Variants in CRMP1 observed in about 807,000 individuals in gnomAD.
CRMP1 encodes dihydropyrimidinase-related protein 1.
CRMP1 carries 19 observed loss-of-function variants against 68.3 expected under a neutral mutation model. That is an observed-to-expected ratio of 0.28 (90% CI 0.19 to 0.41). The LOEUF is 0.41. CRMP1 is among the 10% of genes least tolerant of loss of function. The pLI is 1.00. For missense variants in CRMP1, 791 were observed against 967.4 expected (o/e 0.82, Z 2.42); for synonymous variants, 439 against 399.6 (o/e 1.10, Z -1.18).
In CRMP1 at chr4:5,889,187, T is replaced by C. The variant is rs1217248532; in HGVS notation, c.381+3402A>G. On this transcript the variant is annotated intron_variant, in intron 1 of 13. Coordinates refer to ENST00000324989, the MANE Select transcript of CRMP1 (RefSeq NM_001014809.3). This position sits in a 1 kb window ranked among gnomAD's most constrained non-coding sequence, Gnocchi z 4.5. ...GGCCTCTAAGGTGGAGCCCCCTAAC[T>C]GGCAGAGGGAACAGCAGGGACAGAA... Among the ~76,000 whole-genome samples, 1 of 152,120 alleles carries C rather than the reference T, an allele frequency of 6.6e-6. No individual in the cohort carries two copies. Among genetic ancestry groups the C allele is most frequent in the East Asian group, 1.9e-4 (1 of 5,176 alleles).
rs1199592181 is a variant in CRMP1 at position 5,888,625 on chromosome 4, GC to G, written c.381+3963del. 4 of 907,840 alleles carry G rather than the reference GC, an allele frequency of 4.4e-6. No individual in the cohort carries two copies. The highest frequency in any genetic ancestry group is 5.4e-4 in the Middle Eastern group (1 of 1,850). The allele number at this position is 907,840 out of a possible 1,614,324, so 56.2% of individuals were successfully genotyped here. On this transcript the variant is annotated intron_variant, in intron 1 of 13. Transcript: ENST00000324989. The surrounding 1 kb of genome is among the most constrained non-coding windows in gnomAD (Gnocchi z 6.4). ...CGCTTCCCTTCCGATCTCCCACCCC[GC>G]CCCCCGCCCCCCACCCGCCCAGCCC... is the stretch of plus-strand genomic sequence containing the variant.
rs1278640997 is a variant in CRMP1, at chr4:5,825,220, TAAG to T, written c.1969+271_1969+273del. On this transcript the variant is annotated intron_variant, in intron 13 of 13. Transcript: ENST00000324989. This position sits in a 1 kb window ranked among gnomAD's most constrained non-coding sequence, Gnocchi z 4.4. Reference sequence around the variant, plus strand: ...GTGTGAAAGTGTCCCCAAATGTGTGTAAGGATGAGCACTGGGACAATTTTGGTA... The same window carrying T: ...GTGTGAAAGTGTCCCCAAATGTGTGTGATGAGCACTGGGACAATTTTGGTA... 5.1e-6 allele frequency: 5 copies of T among 985,198 alleles called. No individual in the cohort carries two copies. In the African/African-American group the frequency reaches 8.7e-5, roughly 17 times the overall value. 61.0% of individuals were successfully genotyped at this position (985,198 alleles called of 1,614,324 possible). A position where few individuals can be genotyped will look rare whatever the true frequency, so the allele number is the denominator to read the frequency against.
chr4:5,836,718 C>G, intron 10 of CRMP1, 47 bp downstream of exon 10: 2 of 1,613,656 alleles, frequency 1.2e-6, no homozygotes, highest in South Asian at 2.2e-5. Context: ...TTTCACAGGG[C>G]AGGTAGAGTG....
rs2070420285 is a variant in CRMP1, at chr4:5,889,485, G to C, written c.381+3104C>G. 9 of 1,383,044 alleles carry C rather than the reference G, an allele frequency of 6.5e-6. No homozygotes were observed. The highest frequency in any genetic ancestry group is 7.9e-6 in the Non-Finnish European group (8 of 1,013,840). The allele number at this position is 1,383,044 out of a possible 1,614,324, so 85.7% of individuals were successfully genotyped here. ...TGTTGCTCCAGAGGGAGGTGGGCAGGAAGCCAGGTCACAGCTTGACAAGGT... is the reference window on the plus strand; with the variant it reads ...TGTTGCTCCAGAGGGAGGTGGGCAGCAAGCCAGGTCACAGCTTGACAAGGT... On this transcript the variant is annotated intron_variant, in intron 1 of 13. Transcript: ENST00000324989. The surrounding 1 kb of genome is among the most constrained non-coding windows in gnomAD (Gnocchi z 4.5).
intron 9 of CRMP1, among the ~76,000 whole-genome samples, chr4:5,837,605 G>T (rs1457953975): frequency 2.3e-5 from 3 of 129,868 alleles, no homozygotes; most frequent in Non-Finnish European, 4.9e-5. Context: ...TCCAGCCTGG[G>T]CGACAAGAGC....
intron 11 of CRMP1, among the ~76,000 whole-genome samples, chr4:5,833,772 C>A (rs1224176497): frequency 6.6e-6 from 1 of 152,082 alleles, no homozygotes; most frequent in Non-Finnish European, 1.5e-5. Flanking sequence ...AGGCTGGGTG[C>A]GGTGGCTCAC....
Position 5,825,464 on chromosome 4 carries a change from T to C in CRMP1, c.1969+30A>G, listed in dbSNP as rs765696873. On this transcript the variant is annotated intron_variant, in intron 13 of 13. Transcript: ENST00000324989. This position sits in a 1 kb window ranked among gnomAD's most constrained non-coding sequence, Gnocchi z 4.4. ...GACTCGGCCTGAACTGCTGCAATTG[T>C]GGGGAGCCTGGGCCACCACTCTTTC... The C allele has an allele frequency of 1.5e-5, 23 of 1,539,964 alleles. No homozygotes were observed. The highest frequency in any genetic ancestry group is 1.9e-5 in the Non-Finnish European group (22 of 1,151,456).
intron 12 of CRMP1, chr4:5,827,974 A>AG: frequency 1.1e-6 from 1 of 927,256 alleles, no homozygotes; most frequent in Non-Finnish European, 1.3e-6. Context: ...AAGGAAAATA[A>AG]GGAACGACAG....
chr4:5,830,771 G>C (rs1720316435), intron 11 of CRMP1, among the ~76,000 whole-genome samples: 1 of 152,056 alleles, frequency 6.6e-6, no homozygotes. Context: ...CCTTTTTTCA[G>C]AACTATTTCA....
intron 6 of CRMP1, among the ~76,000 whole-genome samples, chr4:5,848,853 G>A (rs938978460): frequency 7.9e-5 from 12 of 151,990 alleles, no homozygotes; most frequent in African/African-American, 1.2e-4. Flanking sequence ...CACTAATCCC[G>A]TCATAAGGCC....
chr4:5,868,617 C>T (rs1714218058), intron 1 of CRMP1, among the ~76,000 whole-genome samples: 1 of 151,974 alleles, frequency 6.6e-6, no homozygotes, highest in Admixed American at 6.6e-5. Context: ...CATGACTATA[C>T]TTTTAAAATA....
At chr4:5,822,978 C>T (rs960019033) in intron 13 of CRMP1, among the ~76,000 whole-genome samples, 9 of 152,248 alleles carry the variant, frequency 5.9e-5, no homozygotes, top group Non-Finnish European at 2.9e-5. Flanking sequence ...GACCTACCCA[C>T]TGTACCCTTT....
Position 5,870,711 on chromosome 4 carries a change from AG to A in CRMP1, c.382-3956del, listed in dbSNP as rs1365341991. ...AGGGTCTCTGGAGGAAGATGTTTCAAGGTAAGTTGCTCCTAGGCCCCACAAC... is the reference window on the plus strand; with the variant it reads ...AGGGTCTCTGGAGGAAGATGTTTCAAGTAAGTTGCTCCTAGGCCCCACAAC... On this transcript the variant is annotated intron_variant, in intron 1 of 13. Coordinates refer to ENST00000324989, the MANE Select transcript of CRMP1 (RefSeq NM_001014809.3). This position sits in a 1 kb window ranked among gnomAD's most constrained non-coding sequence, Gnocchi z 6.0. 5.9e-5 allele frequency among the ~76,000 whole-genome samples: 9 copies of A among 152,328 alleles called. No homozygotes were observed. In the South Asian group the frequency reaches 1.9e-3, roughly 32 times the overall value.
chr4:5,887,927 C>T (rs993566098), intron 1 of CRMP1: 8 of 616,282 alleles, frequency 1.3e-5, no homozygotes, highest in Non-Finnish European at 1.8e-5. Flanking sequence ...TGTTCGGCTC[C>T]GCATCCTCCC....
intron 6 of CRMP1, among the ~76,000 whole-genome samples, chr4:5,844,348 G>A (rs1404113522): frequency 1.3e-5 from 2 of 150,946 alleles, no homozygotes; most frequent in African/African-American, 4.9e-5. Context: ...GAGGAAGTAA[G>A]GAGGGGGAGG....
intron 11 of CRMP1, among the ~76,000 whole-genome samples, chr4:5,833,277 C>G (rs1720506970): frequency 7.6e-6 from 1 of 131,460 alleles, no homozygotes; most frequent in African/African-American, 3.1e-5. Flanking sequence ...CGCCATTCTC[C>G]TGCCTCAGCC....
At chr4:5,831,827 A>C (rs900502755) in intron 11 of CRMP1, among the ~76,000 whole-genome samples, 10 of 152,218 alleles carry the variant, frequency 6.6e-5, no homozygotes, top group Non-Finnish European at 1.3e-4. Flanking sequence ...AAATTTAAAC[A>C]ACACAAAACA....
In CRMP1 at chr4:5,861,446, C is replaced by G. The variant is rs1345080618; in HGVS notation, c.471-236G>C. On this transcript the variant is annotated intron_variant, in intron 2 of 13. Coordinates refer to ENST00000324989, the MANE Select transcript of CRMP1 (RefSeq NM_001014809.3). This position sits in a 1 kb window ranked among gnomAD's most constrained non-coding sequence, Gnocchi z 6.0. ...AGTATAGCAGAGATGATCGGGGGCA[C>G]GAGGAGGGGCCCTTTCATCCAGTCT... is the stretch of plus-strand genomic sequence containing the variant. Among the ~76,000 whole-genome samples, 1 of 152,056 alleles carries G rather than the reference C, an allele frequency of 6.6e-6. No homozygotes were observed. The highest frequency in any genetic ancestry group is 1.5e-5 in the Non-Finnish European group (1 of 68,018).
In CRMP1 at chr4:5,842,994, A is replaced by G. The variant is rs1011754917; in HGVS notation, c.1032+99T>C. On this transcript the variant is annotated intron_variant, in intron 7 of 13. Coordinates refer to ENST00000324989, the MANE Select transcript of CRMP1 (RefSeq NM_001014809.3). This position sits in a 1 kb window ranked among gnomAD's most constrained non-coding sequence, Gnocchi z 4.5. ...GGATGGTCTGGGAGAGGACACGGGA[A>G]GAGGCCGGGTCCTGGCTGGGCTACT... is the stretch of plus-strand genomic sequence containing the variant. 4.9e-5 allele frequency: 56 copies of G among 1,140,388 alleles called. No homozygotes were observed. The highest frequency in any genetic ancestry group is 7.4e-5 in the Non-Finnish European group (56 of 760,546). The allele number at this position is 1,140,388 out of a possible 1,614,324, so 70.6% of individuals were successfully genotyped here.
Sources: allele counts gnomAD v4.1 joint callset (sites outside exome capture counted in the v4.1 genomes callset), GRCh38; gene constraint gnomAD v4.1.1; non-coding constraint Gnocchi (gnomAD v3.1); transcripts MANE v1.5; gene names NCBI Gene and HGNC (gene_info 2026-07-23, HGNC 2026-07-21).